Variants in LYPLA2 observed in about 807,000 individuals in gnomAD.
LYPLA2 encodes the protein lysophospholipase 2.
LYPLA2 carries 7 observed loss-of-function variants against 30.3 expected under a neutral mutation model. The observed-to-expected ratio is 0.23, with a 90% CI of 0.13 to 0.43. LYPLA2 has a LOEUF of 0.43. LYPLA2 is among the 20% of genes least tolerant of loss of function. The pLI is 1.00. For missense variants in LYPLA2, 206 were observed against 307.9 expected (o/e 0.67, Z 2.48); for synonymous variants, 112 against 118.2 (o/e 0.95, Z 0.34).
At position 23,794,811 on chromosome 1, in the gene LYPLA2, C is replaced by A. The variant is rs1216338341; in HGVS notation, c.*79C>A. On this transcript the variant is annotated 3_prime_UTR_variant, in exon 10 of 10. Coordinates refer to ENST00000374514, the MANE Select transcript of LYPLA2 (RefSeq NM_007260.3). The surrounding 1 kb of genome is among the most constrained non-coding windows in gnomAD (Gnocchi z 5.9). Reference sequence around the variant, plus strand: ...GCGTGGCACCATCTTGGATCTGAGCCGGTCGAGCCCCTGTCCCCACCCTTC... The same window carrying A: ...GCGTGGCACCATCTTGGATCTGAGCAGGTCGAGCCCCTGTCCCCACCCTTC... 2.0e-6 allele frequency: 3 copies of A among 1,519,236 alleles called. No individual in the cohort carries two copies. The highest frequency in any genetic ancestry group is 2.3e-5 in the East Asian group (1 of 42,808). The allele number at this position is 1,519,236 out of a possible 1,614,324, so 94.1% of individuals were successfully genotyped here. A position where few individuals can be genotyped will look rare whatever the true frequency, so the allele number is the denominator to read the frequency against.
chr1:23,793,839 G>A lies in LYPLA2; in HGVS notation c.225-21G>A. On this transcript the variant is annotated intron_variant, in intron 5 of 9. Transcript: ENST00000374514. This position sits in a 1 kb window ranked among gnomAD's most constrained non-coding sequence, Gnocchi z 6.0. ...GGGCTGGCTGGGGTTTTCTATAGCT[G>A]CCAGTGCCTCTACTCCCAAGGTTTG... The A allele has an allele frequency of 1.2e-6, 2 of 1,613,176 alleles. No homozygotes were observed. The highest frequency in any genetic ancestry group is 1.7e-6 in the Non-Finnish European group (2 of 1,179,168).
chr1:23,795,072 GC>G lies in LYPLA2; in HGVS notation c.*345del, dbSNP rs754866944. On this transcript the variant is annotated 3_prime_UTR_variant, in exon 10 of 10. Transcript: ENST00000374514. ...ACCTCACTCACTAGCCCCGCTTTGGGCCCCCTCCTGTGACCTCAGGGTTTGG... is the reference window on the plus strand; with the variant it reads ...ACCTCACTCACTAGCCCCGCTTTGGGCCCCTCCTGTGACCTCAGGGTTTGG... 4 of 500,304 alleles carry G rather than the reference GC, an allele frequency of 8.0e-6. No individual in the cohort carries two copies. In the East Asian group the frequency reaches 1.3e-4, roughly 17 times the overall value. The allele number at this position is 500,304 out of a possible 1,614,324, so 31.0% of individuals were successfully genotyped here. A position where few individuals can be genotyped will look rare whatever the true frequency, so the allele number is the denominator to read the frequency against.
chr1:23,792,966 AG>A, intron 2 of LYPLA2, 41 bp from the exon 3 acceptor site: 1 of 1,594,270 alleles, frequency 6.3e-7, no homozygotes, highest in Non-Finnish European at 8.6e-7. Flanking sequence ...TGGAGGACCT[AG>A]GGGAAGCCTT....
In LYPLA2 at chr1:23,792,973, G is replaced by A. The variant is rs768125088; in HGVS notation, c.79-35G>A. 8.7e-6 allele frequency: 14 copies of A among 1,601,158 alleles called. No individual in the cohort carries two copies. The South Asian group carries it at 1.2e-4, about 14-fold the overall frequency. On this transcript the variant is annotated intron_variant, in intron 2 of 9. Transcript: ENST00000374514. ...GCAGAAGTTGGAGGACCTAGGGGAA[G>A]CCTTCCTGTCTCCCCATTTCCCATC...
In LYPLA2 at chr1:23,794,658, G is replaced by C; in HGVS notation, c.646-24G>C. 1 of 1,614,140 alleles carries C rather than the reference G, an allele frequency of 6.2e-7. No individual in the cohort carries two copies. Among genetic ancestry groups the C allele is most frequent in the Non-Finnish European group, 8.5e-7 (1 of 1,180,008 alleles). On this transcript the variant is annotated intron_variant, in intron 9 of 9. Coordinates refer to ENST00000374514, the MANE Select transcript of LYPLA2 (RefSeq NM_007260.3). This position sits in a 1 kb window ranked among gnomAD's most constrained non-coding sequence, Gnocchi z 5.9. ...CTCTGCCTCCAGCCAGGTGCCTCTC[G>C]TGATCCCCTCTTAATCCCCTCAGGA...
chr1:23,792,828 T>C (rs1570621342), intron 2 of LYPLA2, 68 bp downstream of exon 2: 1 of 1,445,782 alleles, frequency 6.9e-7, no homozygotes, highest in Non-Finnish European at 9.7e-7. Flanking sequence ...GGAGGGGGTG[T>C]GGGAAAATGG....
rs560247547 is a variant in LYPLA2 at position 23,794,438 on chromosome 1, C to T, written c.483C>T (p.Gly161=). 70 of 1,613,924 alleles carry T rather than the reference C, an allele frequency of 4.3e-5. 1 individual carries two copies. The South Asian group carries it at 7.2e-4, about 17-fold the overall frequency. The change falls in exon 9 of 10, where the codon GGC becomes GGT. Residue 161 remains glycine, a synonymous_variant. Transcript: ENST00000374514. This position sits in a 1 kb window ranked among gnomAD's most constrained non-coding sequence, Gnocchi z 5.9. ...TGTCCGGCCTCCAGGCAGCTAATGGCAGTGCCAAGGACCTGGCCATACTCC... is the reference window on the plus strand; with the variant it reads ...TGTCCGGCCTCCAGGCAGCTAATGGTAGTGCCAAGGACCTGGCCATACTCC... ...LHRAFPQAAN[G]SAKDLAILQC...
At position 23,794,108 on chromosome 1, in the gene LYPLA2, A is replaced by G; in HGVS notation, c.341A>G (p.Asn114Ser). 1 of 1,561,396 alleles carries G rather than the reference A, an allele frequency of 6.4e-7. No homozygotes were observed. The highest frequency in any genetic ancestry group is 8.7e-7 in the Non-Finnish European group (1 of 1,150,196). The change falls in exon 7 of 10, where the codon AAT becomes AGT. Residue 114 changes from asparagine (N) to serine (S), a missense_variant. Asn to Ser is a conservative substitution (Grantham distance 46). Coordinates refer to ENST00000374514, the MANE Select transcript of LYPLA2 (RefSeq NM_007260.3). This position sits in a 1 kb window ranked among gnomAD's most constrained non-coding sequence, Gnocchi z 5.9. ...GAAATGAAGAACGGGATCCCTGCCA[A>G]TCGAATCGTCCTGGGAGGCTTTTCA... ...EHEMKNGIPA[N>S]RIVLGGFSQG...
At position 23,794,955 on chromosome 1, in the gene LYPLA2, A is replaced by G; in HGVS notation, c.*223A>G. On this transcript the variant is annotated 3_prime_UTR_variant, in exon 10 of 10. Coordinates refer to ENST00000374514, the MANE Select transcript of LYPLA2 (RefSeq NM_007260.3). The surrounding 1 kb of genome is among the most constrained non-coding windows in gnomAD (Gnocchi z 5.9). ...GCAGGGGCAGGCTGCTTTCTTATCC[A>G]TTTCCCTGGAGGCGGGCCCCCCTGG... 1.4e-6 allele frequency: 1 copy of G among 700,776 alleles called. No individual in the cohort carries two copies. Among genetic ancestry groups the G allele is most frequent in the Non-Finnish European group, 2.6e-6 (1 of 385,822 alleles). The allele number at this position is 700,776 out of a possible 1,614,324, so 43.4% of individuals were successfully genotyped here. A position where few individuals can be genotyped will look rare whatever the true frequency, so the allele number is the denominator to read the frequency against.
rs563036143 is a variant in LYPLA2 at position 23,792,883 on chromosome 1, G to A, written c.78+123G>A. 5.3e-6 allele frequency: 7 copies of A among 1,321,606 alleles called. No homozygotes were observed. In the East Asian group the frequency reaches 1.4e-4, roughly 26 times the overall value. 81.9% of individuals were successfully genotyped at this position (1,321,606 alleles called of 1,614,324 possible). The stretch of plus-strand genomic sequence containing the variant: ...GGAGTATCCTGAGGCCAGCAGGCTC[G>A]GGGTAGTAACCTGTTTGGCTGCTAC... On this transcript the variant is annotated intron_variant, in intron 2 of 9. Transcript: ENST00000374514.
intron 1 of LYPLA2, 124 bp from the exon 2 acceptor site, chr1:23,792,533 G>C: frequency 1.5e-6 from 1 of 655,230 alleles, no homozygotes; most frequent in Non-Finnish European, 2.7e-6. Context: ...CTTCTTGCTT[G>C]ACTATTCTTT....
chr1:23,794,234 T>C lies in LYPLA2; in HGVS notation c.380T>C (p.Leu127Pro). Residue 127 changes from leucine (L) to proline (P), a missense_variant, in exon 8 of 10, where the codon CTG becomes CCG. Leu to Pro is a moderately conservative substitution (Grantham distance 98). Coordinates refer to ENST00000374514, the MANE Select transcript of LYPLA2 (RefSeq NM_007260.3). The surrounding 1 kb of genome is among the most constrained non-coding windows in gnomAD (Gnocchi z 5.9). ...VLGGFSQGGA[L>P]SLYTALTCPH... ...CTCTCCTCCCTCCAGGGCGGGGCCCTGTCCCTCTACACGGCCCTCACCTGC... is the reference window on the plus strand; with the variant it reads ...CTCTCCTCCCTCCAGGGCGGGGCCCCGTCCCTCTACACGGCCCTCACCTGC... 1 of 1,610,882 alleles carries C rather than the reference T, an allele frequency of 6.2e-7. No individual in the cohort carries two copies. Among genetic ancestry groups the C allele is most frequent in the Non-Finnish European group, 8.5e-7 (1 of 1,179,366 alleles).
chr1:23,792,612 T>C, intron 1 of LYPLA2, 45 bp from the exon 2 acceptor site: 1 of 1,243,260 alleles, frequency 8.0e-7, no homozygotes, highest in Non-Finnish European at 1.2e-6. Flanking sequence ...CAGGAGTGTG[T>C]CCTGTGCCTG....
rs371361178 is a variant in LYPLA2, at chr1:23,793,122, C to G, written c.111-29C>G. ...GAGAGGCCTTCTCTTCCTACCACAT[C>G]GGAGCCTTTTCTCCCGTCCCTCCTA... On this transcript the variant is annotated intron_variant, in intron 3 of 9. Transcript: ENST00000374514. This position sits in a 1 kb window ranked among gnomAD's most constrained non-coding sequence, Gnocchi z 6.0. 11 of 1,613,694 alleles carry G rather than the reference C, an allele frequency of 6.8e-6. No homozygotes were observed. The East Asian group carries it at 1.8e-4, about 26-fold the overall frequency.
Position 23,793,950 on chromosome 1 carries a change from T to A in LYPLA2, c.295+20T>A, listed in dbSNP as rs1413823809. 6.2e-7 allele frequency: 1 copy of A among 1,608,560 alleles called. No homozygotes were observed. Among genetic ancestry groups the A allele is most frequent in the African/African-American group, 1.3e-5 (1 of 74,720 alleles). Reference sequence around the variant, plus strand: ...AGAACAGTAAGACCCCAGCCCCTCCTCCACATCCTCCTTCCCCTGCCCCCC... The same window carrying A: ...AGAACAGTAAGACCCCAGCCCCTCCACCACATCCTCCTTCCCCTGCCCCCC... On this transcript the variant is annotated intron_variant, in intron 6 of 9. Transcript: ENST00000374514. The surrounding 1 kb of genome is among the most constrained non-coding windows in gnomAD (Gnocchi z 6.0).
chr1:23,792,698 A>G lies in LYPLA2; in HGVS notation c.16A>G (p.Met6Val). The change falls in exon 2 of 10, where the codon ATG (methionine) becomes GTG (valine). Residue 6 changes from methionine (M) to valine (V), a missense_variant. Coordinates refer to ENST00000374514, the MANE Select transcript of LYPLA2 (RefSeq NM_007260.3). ...CGTGTGGTGTATGTGTGGTAACACC[A>G]TGTCTGTGCCCCTGCTCACCGATGC... MCGNT[M>V]SVPLLTDAAT... The G allele has an allele frequency of 6.2e-7, 1 of 1,611,856 alleles. No homozygotes were observed. The highest frequency in any genetic ancestry group is 8.5e-7 in the Non-Finnish European group (1 of 1,179,872).
chr1:23,793,369 C>A lies in LYPLA2; in HGVS notation c.176+153C>A, dbSNP rs1004362299. Among the ~76,000 whole-genome samples the A allele has an allele frequency of 5.9e-5, 9 of 152,096 alleles. No homozygotes were observed. The highest frequency in any genetic ancestry group is 1.7e-4 in the African/African-American group (7 of 41,416). On this transcript the variant is annotated intron_variant, in intron 4 of 9. Coordinates refer to ENST00000374514, the MANE Select transcript of LYPLA2 (RefSeq NM_007260.3). This position sits in a 1 kb window ranked among gnomAD's most constrained non-coding sequence, Gnocchi z 6.0. ...ATTTTCAGCCTGAGCTCCTGTGGAG[C>A]CCCCAGGAGTGGGGTCCAGCACCAG...
intron 1 of LYPLA2, among the ~76,000 whole-genome samples, chr1:23,792,278 A>G (rs1186285954): frequency 6.6e-6 from 1 of 151,796 alleles, no homozygotes; most frequent in Non-Finnish European, 1.5e-5. Context: ...GGACCCAGGG[A>G]TGATTGGAGA....
chr1:23,793,354 T>A lies in LYPLA2; in HGVS notation c.176+138T>A. ...GCAGTCAGAAGTGGCATTTTCAGCC[T>A]GAGCTCCTGTGGAGCCCCCAGGAGT... On this transcript the variant is annotated intron_variant, in intron 4 of 9. Coordinates refer to ENST00000374514, the MANE Select transcript of LYPLA2 (RefSeq NM_007260.3). This position sits in a 1 kb window ranked among gnomAD's most constrained non-coding sequence, Gnocchi z 6.0. 1.1e-6 allele frequency: 1 copy of A among 886,418 alleles called. No individual in the cohort carries two copies. The highest frequency in any genetic ancestry group is 1.8e-6 in the Non-Finnish European group (1 of 562,620). 54.9% of individuals were successfully genotyped at this position (886,418 alleles called of 1,614,324 possible). A position where few individuals can be genotyped will look rare whatever the true frequency, so the allele number is the denominator to read the frequency against.
Sources: allele counts gnomAD v4.1 joint callset (sites outside exome capture counted in the v4.1 genomes callset), GRCh38; gene constraint gnomAD v4.1.1; non-coding constraint Gnocchi (gnomAD v3.1); transcripts MANE v1.5; gene names NCBI Gene and HGNC (gene_info 2026-07-23, HGNC 2026-07-21).